ACBD6: variants seen among roughly 807,000 people sequenced by gnomAD.
ACBD6 encodes acyl-CoA binding domain containing 6, also known as acyl-CoA-binding domain-containing protein 6.
A neutral mutation model predicts 37.2 loss-of-function variants in ACBD6; 28 were observed. The observed-to-expected ratio is 0.75, with a 90% CI of 0.56 to 1.03. The LOEUF is 1.03. Ranked by LOEUF, ACBD6 falls within the 50% of genes least tolerant of loss-of-function variation. ACBD6 has a pLI of 0.00. For missense variants in ACBD6, 340 were observed against 337.4 expected, an observed-to-expected ratio of 1.01 and a Z score of -0.06; for synonymous variants, 113 against 126.8, an observed-to-expected ratio of 0.89 and a Z score of 0.73.
At chr1:180,362,675 A>T (rs1652894240) in intron 6 of ACBD6, among the ~76,000 whole-genome samples, 1 of 152,222 alleles carries the variant, frequency 6.6e-6, no homozygotes, top group Non-Finnish European at 1.5e-5. Context: ...CAGAAGCTCC[A>T]GATAAAATTC....
At chr1:180,454,118 C>T (rs192171225) in intron 3 of ACBD6, among the ~76,000 whole-genome samples, 2 of 152,310 alleles carry the variant, frequency 1.3e-5, no homozygotes, top group Non-Finnish European at 2.9e-5. Flanking sequence ...TACCTGACTT[C>T]AAACTATACT....
chr1:180,397,764 T>C lies in ACBD6; in HGVS notation c.574-159A>G, dbSNP rs567259311. ...GCACTATGGAAAAAGCAATAAACAA[T>C]CAATGGGGCAGGGCATGGTGGCTCA... On this transcript the variant is annotated intron_variant, in intron 5 of 7. Transcript: ENST00000367595. 2.6e-5 allele frequency among the ~76,000 whole-genome samples: 4 copies of C among 152,024 alleles called. No individual in the cohort carries two copies. The East Asian group carries it at 7.7e-4, about 29-fold the overall frequency.
chr1:180,322,802 G>A (rs1651124094), intron 6 of ACBD6, among the ~76,000 whole-genome samples: 1 of 150,732 alleles, frequency 6.6e-6, no homozygotes, highest in Non-Finnish European at 1.5e-5. Flanking sequence ...AAAACACCAA[G>A]TTTTCATTTT....
chr1:180,482,695 T>C (rs1461574736), intron 3 of ACBD6, among the ~76,000 whole-genome samples: 2 of 152,138 alleles, frequency 1.3e-5, no homozygotes, highest in East Asian at 3.9e-4. Flanking sequence ...GAAGTGGAAT[T>C]GCAGAAACTA....
chr1:180,389,807 G>C (rs1238281961), intron 6 of ACBD6, among the ~76,000 whole-genome samples: 1 of 152,162 alleles, frequency 6.6e-6, no homozygotes, highest in Non-Finnish European at 1.5e-5. Flanking sequence ...CTTCTTTTGA[G>C]AAGTGTCTGT....
chr1:180,389,855 T>A (rs1571443797), intron 6 of ACBD6, among the ~76,000 whole-genome samples: 1 of 152,196 alleles, frequency 6.6e-6, no homozygotes, highest in African/African-American at 2.4e-5. Context: ...GGTTGTTTGT[T>A]TTTTTCTTGT....
intron 6 of ACBD6, among the ~76,000 whole-genome samples, chr1:180,345,706 T>C (rs1482306329): frequency 3.3e-5 from 5 of 152,070 alleles, no homozygotes; most frequent in Non-Finnish European, 7.4e-5. Context: ...ATATTATTAA[T>C]GTAAAATGGA....
chr1:180,282,465 A>G (rs1649341570), intron 8 of ACBD6, among the ~76,000 whole-genome samples: 1 of 152,224 alleles, frequency 6.6e-6, no homozygotes, highest in Non-Finnish European at 1.5e-5. Context: ...CTGCACAGCA[A>G]TGGAGAGCCC....
At chr1:180,477,327 A>G (rs1161093961) in intron 3 of ACBD6, among the ~76,000 whole-genome samples, 1 of 152,172 alleles carries the variant, frequency 6.6e-6, no homozygotes, top group East Asian at 1.9e-4. Flanking sequence ...ACAAACAGGG[A>G]CCACTAACAA....
intron 6 of ACBD6, among the ~76,000 whole-genome samples, chr1:180,366,004 A>G (rs191980111): frequency 1.8e-4 from 27 of 152,274 alleles, no homozygotes; most frequent in Non-Finnish European, 3.5e-4. Flanking sequence ...GCATTTTGTT[A>G]TTCTGTGTAA....
chr1:180,466,024 G>A (rs1650334748), intron 3 of ACBD6, among the ~76,000 whole-genome samples: 1 of 152,036 alleles, frequency 6.6e-6, no homozygotes, highest in Non-Finnish European at 1.5e-5. Flanking sequence ...GGTGGGAGCA[G>A]AAAAGATAAT....
At chr1:180,309,510 A>G (rs1650507202) in intron 7 of ACBD6, among the ~76,000 whole-genome samples, 1 of 152,216 alleles carries the variant, frequency 6.6e-6, no homozygotes, top group African/African-American at 2.4e-5. Flanking sequence ...AACACAGCAC[A>G]TGCCACAGAG....
chr1:180,463,432 T>C (rs1650225678), intron 3 of ACBD6, among the ~76,000 whole-genome samples: 1 of 152,126 alleles, frequency 6.6e-6, no homozygotes, highest in Non-Finnish European at 1.5e-5. Context: ...AATACCTCTA[T>C]GCATATAAAC....
At chr1:180,325,538 T>C (rs1651224434) in intron 6 of ACBD6, among the ~76,000 whole-genome samples, 1 of 152,176 alleles carries the variant, frequency 6.6e-6, no homozygotes, top group Non-Finnish European at 1.5e-5. Context: ...TCTGAAAGGT[T>C]GCATATCTCT....
rs1468694709 is a variant in ACBD6 at position 180,459,963 on chromosome 1, GCTT to G, written c.385-29704_385-29702del. 5.6e-5 allele frequency among the ~76,000 whole-genome samples: 7 copies of G among 124,270 alleles called. No homozygotes were observed. In the South Asian group the frequency reaches 1.1e-3, roughly 20 times the overall value. The allele number at this position is 124,270 out of a possible 152,430, so 81.5% of individuals were successfully genotyped here. ...TATTCTACAAAAGCATGACCAGACT[GCTT>G]CTTTTTTTTTTTTTTTTTTTTTTTT... On this transcript the variant is annotated intron_variant, in intron 3 of 7. Coordinates refer to ENST00000367595, the MANE Select transcript of ACBD6 (RefSeq NM_032360.4).
At chr1:180,358,317 C>T (rs562019608) in intron 6 of ACBD6, among the ~76,000 whole-genome samples, 1 of 152,248 alleles carries the variant, frequency 6.6e-6, no homozygotes, top group South Asian at 2.1e-4. Flanking sequence ...ATCCCAGCTA[C>T]TCAGTTGGCT....
intron 6 of ACBD6, among the ~76,000 whole-genome samples, chr1:180,362,442 T>A (rs1276645210): frequency 6.6e-6 from 1 of 151,876 alleles, no homozygotes; most frequent in Non-Finnish European, 1.5e-5. Context: ...TGAAACAGGA[T>A]GGGAAAAAAA....
exon 14 of ACBD6, chr1:180,270,444 T>C (rs1648576763): frequency 6.6e-6 from 1 of 152,226 alleles, no homozygotes; most frequent in Non-Finnish European, 1.5e-5. Flanking sequence ...AAGGGCAGTA[T>C]GCCTAAGTGC....
intron 6 of ACBD6, among the ~76,000 whole-genome samples, chr1:180,392,805 G>C (rs944306004): frequency 1.3e-5 from 2 of 151,250 alleles, no homozygotes; most frequent in Non-Finnish European, 2.9e-5. Context: ...ACAGGCACAA[G>C]GTATTCACCG....
Sources: allele counts gnomAD v4.1 joint callset (sites outside exome capture counted in the v4.1 genomes callset), GRCh38; gene constraint gnomAD v4.1.1; transcripts MANE v1.5; gene names NCBI Gene and HGNC (gene_info 2026-07-23, HGNC 2026-07-21).